Variants in VPS4B observed in about 807,000 individuals in gnomAD.
The protein encoded by VPS4B is vacuolar protein sorting-associated protein 4B.
A neutral mutation model predicts 56.1 loss-of-function variants in VPS4B; 23 were observed. The observed-to-expected ratio is 0.41, with a 90% CI of 0.30 to 0.58. The LOEUF (loss-of-function observed/expected upper bound fraction) is 0.58, where lower values mean the gene tolerates loss of function less well. VPS4B is among the 20% of genes least tolerant of loss of function. The pLI is 0.29. For missense variants in VPS4B, 372 were observed against 531.9 expected (o/e 0.70, Z 2.96); for synonymous variants, 177 against 186.0 (o/e 0.95, Z 0.39).
intron 1 of VPS4B, 71 bp downstream of exon 1, chr18:63,422,162 G>A: frequency 7.4e-7 from 1 of 1,356,210 alleles, no homozygotes; most frequent in South Asian, 1.7e-5. Flanking sequence ...CCTTCTCCCC[G>A]CCCCCCACCC....
chr18:63,403,742 A>G lies in VPS4B; in HGVS notation c.449T>C (p.Val150Ala). 1 of 1,613,130 alleles carries G rather than the reference A, an allele frequency of 6.2e-7. No homozygotes were observed. Among genetic ancestry groups the G allele is most frequent in the Non-Finnish European group, 8.5e-7 (1 of 1,179,498 alleles). Residue 150 changes from valine (V) to alanine (A), a missense_variant, in exon 5 of 11, where the codon GTG becomes GCG. Val to Ala is a moderately conservative substitution (Grantham distance 64, BLOSUM62 0). Around this residue, in one of 3 missense-constraint regions of VPS4B, gnomAD observed 153 missense variants for 190.3 expected, o/e 0.80. Transcript: ENST00000238497. ...EGAKEALKEA[V>A]ILPIKFPHLF... The stretch of plus-strand genomic sequence containing the variant: ...ATGAGGAAATTTAATAGGCAGTATC[A>G]CAGCCTCTTTCAGTGCTTCTTTGGC...
At chr18:63,397,793 G>C (rs912397450) in intron 8 of VPS4B, among the ~76,000 whole-genome samples, 2 of 152,220 alleles carry the variant, frequency 1.3e-5, no homozygotes, top group Admixed American at 6.5e-5. Flanking sequence ...TGGAGACAGA[G>C]AAGCAACGAT....
chr18:63,395,434 T>C (rs1915648760), intron 9 of VPS4B, among the ~76,000 whole-genome samples: 1 of 152,174 alleles, frequency 6.6e-6, no homozygotes, highest in Non-Finnish European at 1.5e-5. Flanking sequence ...GACTTCAAAA[T>C]AGCATTATCA....
Position 63,391,059 on chromosome 18 carries a change from T to C in VPS4B, c.1251A>G (p.Ser417=). Residue 417 remains serine, a synonymous_variant, in exon 11 of 11, where the codon TCA becomes TCG. Transcript: ENST00000238497. ...TGACTGTAGGTTTTGTGTTAGATAG[T>C]GACCGCAACATATCCGACTGTCAGG... ...PVVSMSDMLR[S]LSNTKPTVNE... 6.2e-7 allele frequency: 1 copy of C among 1,612,672 alleles called. No homozygotes were observed. The highest frequency in any genetic ancestry group is 8.5e-7 in the Non-Finnish European group (1 of 1,178,888).
intron 9 of VPS4B, among the ~76,000 whole-genome samples, chr18:63,394,732 T>C (rs1020678443): frequency 3.9e-5 from 6 of 152,246 alleles, no homozygotes; most frequent in African/African-American, 1.4e-4. Flanking sequence ...CCCAAAGTGC[T>C]GGGATTACAG....
At chr18:63,397,671 TA>T (rs927012863) in intron 8 of VPS4B, among the ~76,000 whole-genome samples, 4 of 152,206 alleles carry the variant, frequency 2.6e-5, no homozygotes, top group Admixed American at 6.5e-5. Context: ...GGATATATAT[TA>T]CACAAAATGT....
intron 8 of VPS4B, 52 bp from the exon 9 acceptor site, chr18:63,397,305 T>A: frequency 6.7e-7 from 1 of 1,500,722 alleles, no homozygotes; most frequent in Non-Finnish European, 8.9e-7. Flanking sequence ...TTAGGATATT[T>A]CCAAGAAGAA....
In VPS4B at chr18:63,400,564, C is replaced by A; in HGVS notation, c.624G>T (p.Trp208Cys). ...CTACTTACTTTTCACTTTCACCTAG[C>A]CACTTAGAAACAAGATCAGAGGAAG... ...SISSSDLVSK[W>C]LGESEKLVKN... The change falls in exon 6 of 11, where the codon TGG becomes TGT. Residue 208 changes from tryptophan to cysteine, a missense_variant. Transcript: ENST00000238497. 6.2e-7 allele frequency: 1 copy of A among 1,606,932 alleles called. No homozygotes were observed.
In VPS4B at chr18:63,410,385, A is replaced by G. The variant is rs1443258623; in HGVS notation, c.201T>C (p.Asp67=). ...SIRAKCTEYL[D]RAEKLKEYLK... The stretch of plus-strand genomic sequence containing the variant: ...GGTACTCCTTTAGTTTTTCTGCTCT[A>G]TCAAGATATTCTGTACACTTTGCCC... The change falls in exon 3 of 11, where the codon GAT becomes GAC. Residue 67 remains aspartate, a synonymous_variant. Transcript: ENST00000238497. 1.2e-6 allele frequency: 2 copies of G among 1,613,840 alleles called. No homozygotes were observed. The highest frequency in any genetic ancestry group is 1.7e-6 in the Non-Finnish European group (2 of 1,180,018).
chr18:63,414,555 C>A (rs1484664063), intron 1 of VPS4B, among the ~76,000 whole-genome samples: 1 of 152,044 alleles, frequency 6.6e-6, no homozygotes, highest in Non-Finnish European at 1.5e-5. Flanking sequence ...CTGCCTCAGC[C>A]TCCCCAGTGG....
chr18:63,415,399 G>A (rs2144437508), intron 1 of VPS4B: 1 of 265,936 alleles, frequency 3.8e-6, no homozygotes, highest in Admixed American at 4.0e-5. Context: ...GTCCTCCTGG[G>A]TGACATGCAC....
intron 9 of VPS4B, chr18:63,396,510 A>G (rs1277560109): frequency 6.5e-6 from 1 of 154,556 alleles, no homozygotes; most frequent in East Asian, 1.9e-4. Flanking sequence ...TCGGCCTCCT[A>G]AAGTGCTGGG....
chr18:63,395,874 T>C (rs6567340), intron 9 of VPS4B, among the ~76,000 whole-genome samples: 92,276 of 152,038 alleles, frequency 0.61, 29,589 homozygotes, highest in East Asian at 0.88. Context: ...ATTTCAGATT[T>C]GGAAACACAC....
At chr18:63,420,730 T>G (rs748153283) in intron 1 of VPS4B, among the ~76,000 whole-genome samples, 1 of 152,006 alleles carries the variant, frequency 6.6e-6, no homozygotes, top group Non-Finnish European at 1.5e-5. Flanking sequence ...AATCTTAGTT[T>G]AATACAACCT....
rs534427484 is a variant in VPS4B, at chr18:63,405,900, C to T, written c.364+1532G>A. ...ACTCAGGAGGCTGAGGCAGGAGAATCCCTGGAACCCAGGAGTTCGAGGCTG... is the reference window on the plus strand; with the variant it reads ...ACTCAGGAGGCTGAGGCAGGAGAATTCCTGGAACCCAGGAGTTCGAGGCTG... On this transcript the variant is annotated intron_variant, in intron 4 of 10. Coordinates refer to ENST00000238497, the MANE Select transcript of VPS4B (RefSeq NM_004869.4). Among the ~76,000 whole-genome samples the T allele has an allele frequency of 1.9e-3, 289 of 152,062 alleles. 1 individual carries two copies. Among genetic ancestry groups the T allele is most frequent in the African/African-American group, 6.8e-3 (283 of 41,504 alleles).
At chr18:63,392,511 T>C (rs1428634265) in intron 10 of VPS4B, among the ~76,000 whole-genome samples, 1 of 147,528 alleles carries the variant, frequency 6.8e-6, no homozygotes, top group Non-Finnish European at 1.5e-5. Context: ...TGCAGTGGTA[T>C]GATCTCGGCT....
intron 5 of VPS4B, among the ~76,000 whole-genome samples, chr18:63,401,301 C>A (rs2144419329): frequency 6.6e-6 from 1 of 152,264 alleles, no homozygotes; most frequent in East Asian, 1.9e-4. Flanking sequence ...GTTGCCCAGG[C>A]TGGAGGGCAG....
At chr18:63,421,311 T>C (rs1045517847) in intron 1 of VPS4B, among the ~76,000 whole-genome samples, 1 of 152,218 alleles carries the variant, frequency 6.6e-6, no homozygotes, top group East Asian at 1.9e-4. Flanking sequence ...TCAATTATCA[T>C]GGGTTAAGGA....
chr18:63,399,191 C>T (rs757396833), intron 8 of VPS4B, 51 bp downstream of exon 8: 2 of 1,463,292 alleles, frequency 1.4e-6, no homozygotes, highest in African/African-American at 2.8e-5. Flanking sequence ...GAATTATCAT[C>T]TACTTGTTAC....
Sources: allele counts gnomAD v4.1 joint callset (sites outside exome capture counted in the v4.1 genomes callset), GRCh38; gene constraint gnomAD v4.1.1; regional missense constraint gnomAD v4.1.1; transcripts MANE v1.5; gene names NCBI Gene and HGNC (gene_info 2026-07-23, HGNC 2026-07-21).